The following CDH12 variants were observed in gnomAD, a reference collection of about 807,000 sequenced individuals.
The protein encoded by CDH12 is cadherin-12.
In CDH12, 41 loss-of-function variants were observed where a neutral mutation model predicts 74.1. The ratio of observed to expected loss-of-function variants is 0.55; its 90% confidence interval spans 0.43 to 0.72. The LOEUF (loss-of-function observed/expected upper bound fraction) is 0.72, where lower values mean the gene tolerates loss of function less well. Among genes scored for constraint, CDH12 ranks in the 30% least tolerant of loss-of-function variants. The pLI, the probability that CDH12 is intolerant of heterozygous loss-of-function variation, is 0.00. For missense variants in CDH12, 945 were observed against 977.2 expected (o/e 0.97, Z 0.44); for synonymous variants, 399 against 355.0 (o/e 1.12, Z -1.39).
intron 6 of CDH12, among the ~76,000 whole-genome samples, chr5:21,957,530 T>C (rs138060236): frequency 1.7e-3 from 254 of 152,330 alleles, no homozygotes; most frequent in African/African-American, 6.0e-3. Context: ...ACACTCCCAC[T>C]AACAGTGTGT....
At chr5:22,845,329 TACTATAATTC>T (rs1161203563) in intron 1 of CDH12, among the ~76,000 whole-genome samples, 1 of 152,184 alleles carries the variant, frequency 6.6e-6, no homozygotes, top group Non-Finnish European at 1.5e-5. Context: ...CAATAGAAAG[TACTATAATTC>T]ACGAGTATGT....
chr5:22,071,668 T>C (rs1443236172), intron 5 of CDH12, among the ~76,000 whole-genome samples: 2 of 152,112 alleles, frequency 1.3e-5, no homozygotes, highest in Middle Eastern at 3.2e-3. Flanking sequence ...CCACTTATGG[T>C]TTTAACTACC....
At chr5:22,744,225 C>G (rs908298976) in intron 1 of CDH12, among the ~76,000 whole-genome samples, 1 of 151,974 alleles carries the variant, frequency 6.6e-6, no homozygotes, top group East Asian at 1.9e-4. Flanking sequence ...GTCAGGAGAT[C>G]AAGACCATCC....
intron 1 of CDH12, among the ~76,000 whole-genome samples, chr5:22,744,971 C>A (rs1745218423): frequency 6.6e-6 from 1 of 151,590 alleles, no homozygotes; most frequent in South Asian, 2.1e-4. Context: ...TTAAAAAGAA[C>A]CTGACATATA....
chr5:22,051,403 T>C (rs1740357462), intron 5 of CDH12, among the ~76,000 whole-genome samples: 1 of 152,196 alleles, frequency 6.6e-6, no homozygotes, highest in African/African-American at 2.4e-5. Flanking sequence ...ATTCTATACA[T>C]AATTTTTAAC....
intron 5 of CDH12, among the ~76,000 whole-genome samples, chr5:22,036,684 C>T (rs1739212023): frequency 6.6e-6 from 1 of 152,076 alleles, no homozygotes; most frequent in Non-Finnish European, 1.5e-5. Flanking sequence ...CTTTCTTTGT[C>T]ATCTGGAAAT....
chr5:22,126,915 C>T (rs376170268), intron 4 of CDH12, among the ~76,000 whole-genome samples: 3 of 152,316 alleles, frequency 2.0e-5, no homozygotes, highest in East Asian at 1.9e-4. Context: ...GTTCCCCATA[C>T]ATTTATTCAT....
At chr5:21,857,035 A>G (rs1750788857) in intron 6 of CDH12, among the ~76,000 whole-genome samples, 1 of 151,778 alleles carries the variant, frequency 6.6e-6, no homozygotes, top group Non-Finnish European at 1.5e-5. Flanking sequence ...GATGACTGTC[A>G]CCAAACTCAT....
At chr5:22,004,737 T>C (rs1194466860) in intron 5 of CDH12, among the ~76,000 whole-genome samples, 4 of 152,166 alleles carry the variant, frequency 2.6e-5, no homozygotes, top group Non-Finnish European at 5.9e-5. Flanking sequence ...GTGCTTCTAA[T>C]GTACCCATCA....
chr5:21,932,102 G>C (rs1463400327), intron 6 of CDH12, among the ~76,000 whole-genome samples: 1 of 152,106 alleles, frequency 6.6e-6, no homozygotes, highest in Non-Finnish European at 1.5e-5. Context: ...CTACACAAAT[G>C]AAACAAACAT....
intron 6 of CDH12, 101 bp from the exon 7 acceptor site, chr5:21,854,891 C>G: frequency 1.0e-6 from 1 of 1,000,540 alleles, no homozygotes; most frequent in Non-Finnish European, 1.5e-6. Flanking sequence ...ATTTGACCTA[C>G]GTCAAGTACA....
At chr5:21,784,272 A>T (rs141443733) in intron 10 of CDH12, among the ~76,000 whole-genome samples, 142 of 152,292 alleles carry the variant, frequency 9.3e-4, no homozygotes, top group African/African-American at 3.3e-3. Flanking sequence ...GATCGGCATT[A>T]TGTGAAATTT....
intron 9 of CDH12, among the ~76,000 whole-genome samples, chr5:21,806,743 T>C (rs1337899645): frequency 6.6e-6 from 1 of 152,198 alleles, no homozygotes; most frequent in Non-Finnish European, 1.5e-5. Flanking sequence ...TTGCAAAGAT[T>C]ATGACAGTGA....
At chr5:22,599,987 G>T (rs76341972) in intron 1 of CDH12, among the ~76,000 whole-genome samples, 10,526 of 151,948 alleles carry the variant, frequency 0.069, 449 homozygotes, top group East Asian at 0.24. Flanking sequence ...TTTTTCTAAT[G>T]AGCACACTAT....
intron 4 of CDH12, among the ~76,000 whole-genome samples, chr5:22,131,125 G>C (rs1746156874): frequency 6.6e-6 from 1 of 151,934 alleles, no homozygotes; most frequent in Non-Finnish European, 1.5e-5. Flanking sequence ...TCCAGTTTGG[G>C]GCTAATATTA....
intron 4 of CDH12, among the ~76,000 whole-genome samples, chr5:22,080,485 C>T (rs931971222): frequency 6.6e-6 from 1 of 151,946 alleles, no homozygotes; most frequent in Non-Finnish European, 1.5e-5. Context: ...TAGATATTGA[C>T]AAAACCGTAA....
rs151094360 is a variant in CDH12, at chr5:21,798,887, G to A, written c.1256+3280C>T. ...ACTAAGACAGACATTGGTACCAAAC[G>A]GTGGGGGTGCAGCTATAAAAAATAC... On this transcript the variant is annotated intron_variant, in intron 10 of 14. Coordinates refer to ENST00000382254, the MANE Select transcript of CDH12 (RefSeq NM_004061.5). Among the ~76,000 whole-genome samples the A allele has an allele frequency of 4.4e-3, 673 of 152,252 alleles. 1 individual carries two copies. Among genetic ancestry groups the A allele is most frequent in the Non-Finnish European group, 7.3e-3 (495 of 68,020 alleles).
intron 1 of CDH12, among the ~76,000 whole-genome samples, chr5:22,595,984 T>A (rs1248403684): frequency 6.6e-6 from 1 of 151,346 alleles, no homozygotes; most frequent in African/African-American, 2.4e-5. Context: ...GGTGGGCACC[T>A]GTAGTCCCAG....
intron 1 of CDH12, among the ~76,000 whole-genome samples, chr5:22,526,827 C>T (rs1737306755): frequency 6.6e-6 from 1 of 152,146 alleles, no homozygotes; most frequent in Non-Finnish European, 1.5e-5. Context: ...TTCCAATTGG[C>T]CTTTTATACT....
Sources: allele counts gnomAD v4.1 joint callset (sites outside exome capture counted in the v4.1 genomes callset), GRCh38; gene constraint gnomAD v4.1.1; transcripts MANE v1.5; gene names NCBI Gene and HGNC (gene_info 2026-07-23, HGNC 2026-07-21).